Variants in RBFOX1 observed in about 807,000 individuals in gnomAD.
RBFOX1 encodes RNA binding protein fox-1 homolog 1.
Under a neutral mutation model 57.7 loss-of-function variants are expected in RBFOX1, and 8 were observed. The ratio of observed to expected loss-of-function variants is 0.14; its 90% CI spans 0.08 to 0.25. The LOEUF (loss-of-function observed/expected upper bound fraction) is 0.25. RBFOX1 is among the 10% of genes least tolerant of loss of function. The pLI, the probability that RBFOX1 is intolerant of heterozygous loss-of-function variation, is 1.00. For synonymous variants in RBFOX1, 326 were observed against 222.4 expected (o/e 1.47, Z -4.15); for missense variants, 611 against 548.5 (o/e 1.11, Z -1.14).
intron 2 of RBFOX1, among the ~76,000 whole-genome samples, chr16:6,651,072 C>G (rs2098588937): frequency 6.6e-6 from 1 of 152,158 alleles, no homozygotes. Context: ...CCAGCTAATT[C>G]TGTATGTTTA....
chr16:5,640,164 C>G (rs2048811850), intron 3 of RBFOX1, among the ~76,000 whole-genome samples: 2 of 152,170 alleles, frequency 1.3e-5, no homozygotes, highest in Admixed American at 6.5e-5. Flanking sequence ...GGGCCCCTTC[C>G]TCAGCATTGA....
intron 4 of RBFOX1, among the ~76,000 whole-genome samples, chr16:5,937,861 A>T (rs1253849841): frequency 6.6e-6 from 1 of 151,440 alleles, no homozygotes; most frequent in Non-Finnish European, 1.5e-5. Flanking sequence ...ATGTACATAT[A>T]TACATGCTTA....
At chr16:6,463,519 G>T (rs1478601910) in intron 2 of RBFOX1, among the ~76,000 whole-genome samples, 1 of 152,104 alleles carries the variant, frequency 6.6e-6, no homozygotes, top group Non-Finnish European at 1.5e-5. Context: ...AGATTTGATG[G>T]GGGGTCGGGG....
chr16:5,987,320 C>T (rs2060303437), intron 4 of RBFOX1, among the ~76,000 whole-genome samples: 1 of 151,890 alleles, frequency 6.6e-6, no homozygotes, highest in African/African-American at 2.4e-5. Context: ...AAATATTTTC[C>T]CCCAGCTGTA....
At chr16:7,285,233 T>C (rs984382403) in intron 4 of RBFOX1, among the ~76,000 whole-genome samples, 4 of 152,146 alleles carry the variant, frequency 2.6e-5, no homozygotes, top group African/African-American at 7.2e-5. Context: ...TAAGGAATAA[T>C]ACAGAGAGTT....
At chr16:5,502,131 G>A (rs1160797051) in intron 2 of RBFOX1, among the ~76,000 whole-genome samples, 1 of 152,108 alleles carries the variant, frequency 6.6e-6, no homozygotes, top group Non-Finnish European at 1.5e-5. Context: ...TGGTTGTAGG[G>A]TTAGCTAAAC....
intron 4 of RBFOX1, among the ~76,000 whole-genome samples, chr16:5,999,469 C>T (rs566279605): frequency 6.6e-6 from 1 of 152,224 alleles, no homozygotes; most frequent in East Asian, 1.9e-4. Context: ...CCTCAAATTT[C>T]CTTAAAAACA....
chr16:7,151,834 C>T lies in RBFOX1; in HGVS notation c.27+99736C>T, dbSNP rs572178091. On this transcript the variant is annotated intron_variant, in intron 4 of 15. Transcript: ENST00000550418. ...TAAGCCACATGCAACCTAGCTCCTT[C>T]GCATGCACAGTTCACAAGAGGATTT... Among the ~76,000 whole-genome samples the T allele has an allele frequency of 5.3e-5, 8 of 152,168 alleles. No homozygotes were observed. In the East Asian group the frequency reaches 9.7e-4, roughly 18 times the overall value.
At chr16:7,567,429 G>T (rs1602011804) in intron 5 of RBFOX1, among the ~76,000 whole-genome samples, 1 of 101,486 alleles carries the variant, frequency 9.9e-6, no homozygotes, top group African/African-American at 4.0e-5. Flanking sequence ...CCCTATGTAT[G>T]GCCCTATATA....
intron 1 of RBFOX1, among the ~76,000 whole-genome samples, chr16:6,035,969 T>C (rs1368126754): frequency 6.6e-6 from 1 of 152,214 alleles, no homozygotes; most frequent in Non-Finnish European, 1.5e-5. Context: ...ATTGGGTGCC[T>C]GAAGAATACT....
intron 4 of RBFOX1, among the ~76,000 whole-genome samples, chr16:6,005,348 C>A (rs957175276): frequency 1.3e-5 from 2 of 152,218 alleles, no homozygotes; most frequent in Admixed American, 6.5e-5. Context: ...CTTATGCAGT[C>A]ATTCTGCCAA....
intron 3 of RBFOX1, among the ~76,000 whole-genome samples, chr16:6,665,823 A>G (rs1172551738): frequency 1.3e-5 from 2 of 152,184 alleles, no homozygotes; most frequent in Non-Finnish European, 2.9e-5. Context: ...TAAGACAGAT[A>G]CAATATTTAT....
intron 3 of RBFOX1, among the ~76,000 whole-genome samples, chr16:5,683,827 G>T (rs1045464516): frequency 2.0e-5 from 3 of 148,270 alleles, no homozygotes; most frequent in African/African-American, 4.9e-5. Context: ...ATAATTTAAT[G>T]TATATTATAT....
At position 5,597,707 on chromosome 16, in the gene RBFOX1, T is replaced by G. The variant is rs368824450; in HGVS notation, c.259-1195T>G. Among the ~76,000 whole-genome samples, 6 of 152,258 alleles carry G rather than the reference T, an allele frequency of 3.9e-5. No homozygotes were observed. The East Asian group carries it at 7.7e-4, about 20-fold the overall frequency. ...TAGAGCTTTAGGCATTGCTGACACT[T>G]TTGAGGCAGGAGCAGTTCCCTAGAG... On this transcript the variant is annotated intron_variant, in intron 2 of 2. Coordinates refer to the RBFOX1 transcript ENST00000585867.
At chr16:6,487,448 A>T (rs1598016020) in intron 2 of RBFOX1, among the ~76,000 whole-genome samples, 1 of 151,720 alleles carries the variant, frequency 6.6e-6, no homozygotes, top group African/African-American at 2.4e-5. Flanking sequence ...TGTAAATAGG[A>T]TCAGTTGGAT....
chr16:5,965,189 T>C (rs2059819820), intron 4 of RBFOX1, among the ~76,000 whole-genome samples: 1 of 152,136 alleles, frequency 6.6e-6, no homozygotes, highest in Non-Finnish European at 1.5e-5. Flanking sequence ...AGTATAAGTT[T>C]TCAGTTATAA....
At chr16:7,340,994 G>C (rs1393782528) in intron 4 of RBFOX1, among the ~76,000 whole-genome samples, 1 of 152,190 alleles carries the variant, frequency 6.6e-6, no homozygotes, top group Non-Finnish European at 1.5e-5. Context: ...ACTCTCTGCT[G>C]CTGCTTTGGT....
chr16:6,581,663 C>G (rs761457544), intron 2 of RBFOX1, among the ~76,000 whole-genome samples: 2 of 152,176 alleles, frequency 1.3e-5, no homozygotes, highest in Admixed American at 6.5e-5. Flanking sequence ...TATTGATCCC[C>G]AAGCTGCTAA....
intron 4 of RBFOX1, among the ~76,000 whole-genome samples, chr16:5,909,335 G>T (rs200689607): frequency 3.9e-5 from 6 of 151,940 alleles, no homozygotes; most frequent in African/African-American, 1.5e-4. Context: ...CTCATCATCC[G>T]CATGCCTTGG....
Sources: gnomAD v4.1 joint callset for allele counts (sites outside exome capture counted in the v4.1 genomes callset) on GRCh38, gnomAD v4.1.1 for gene constraint, MANE v1.5 for transcripts, NCBI Gene and HGNC (gene_info 2026-07-23, HGNC 2026-07-21) for gene names.